TTC28: variants seen among roughly 807,000 people sequenced by gnomAD.
TTC28 encodes tetratricopeptide repeat protein 28.
In TTC28, 61 loss-of-function variants were observed where a neutral mutation model predicts 198.0. The observed-to-expected ratio is 0.31, with a 90% CI of 0.25 to 0.38. The LOEUF (loss-of-function observed/expected upper bound fraction) is 0.38. Ranked by LOEUF, TTC28 falls within the 10% of genes least tolerant of loss-of-function variation. The probability of loss-of-function intolerance (pLI) is 1.00; values close to 1 mark genes in which losing one functional copy is unlikely to be tolerated. For missense variants in TTC28, 2,678 were observed against 3,164.0 expected, an observed-to-expected ratio of 0.85 and a Z score of 3.69; for synonymous variants, 1,171 against 1,297.8, an observed-to-expected ratio of 0.90 and a Z score of 2.10.
chr22:28,222,357 G>A (rs1173862751), intron 5 of TTC28, among the ~76,000 whole-genome samples: 1 of 151,924 alleles, frequency 6.6e-6, no homozygotes, highest in Non-Finnish European at 1.5e-5. Context: ...GCCACTGTGG[G>A]TAACCCAGAA....
intron 3 of TTC28, chr22:28,303,957 G>A (rs554157789): frequency 6.6e-6 from 1 of 152,016 alleles, no homozygotes; most frequent in African/African-American, 2.4e-5. Flanking sequence ...CAAAACTTAG[G>A]AAGCTGCACG....
At chr22:28,629,072 G>A (rs1171872380) in intron 2 of TTC28, among the ~76,000 whole-genome samples, 1 of 152,006 alleles carries the variant, frequency 6.6e-6, no homozygotes, top group Non-Finnish European at 1.5e-5. Context: ...AGTAACTTAA[G>A]GGGACTATTC....
intron 2 of TTC28, among the ~76,000 whole-genome samples, chr22:28,396,396 T>G (rs2046816561): frequency 6.6e-6 from 1 of 152,162 alleles, no homozygotes; most frequent in African/African-American, 2.4e-5. Context: ...GCCACATAGC[T>G]CAACTTGTAA....
chr22:28,107,046 C>T lies in TTC28; in HGVS notation c.2783+16G>A. 2.0e-6 allele frequency: 3 copies of T among 1,536,946 alleles called. No homozygotes were observed. The highest frequency in any genetic ancestry group is 2.6e-6 in the Non-Finnish European group (3 of 1,137,810). On this transcript the variant is annotated intron_variant, in intron 7 of 22. Transcript: ENST00000397906. Reference sequence around the variant, plus strand: ...TTGCAGAACTATAAACCACAATTGTCCTTGGTCATTTTTACCTGTGTCCAT... The same window carrying T: ...TTGCAGAACTATAAACCACAATTGTTCTTGGTCATTTTTACCTGTGTCCAT...
At chr22:28,136,510 T>C (rs562049390) in intron 6 of TTC28, among the ~76,000 whole-genome samples, 38 of 152,308 alleles carry the variant, frequency 2.5e-4, no homozygotes, top group Non-Finnish European at 4.4e-4. Context: ...AGTTCATGAA[T>C]TGGCACTGGC....
At chr22:28,254,983 G>A (rs947772291) in intron 5 of TTC28, among the ~76,000 whole-genome samples, 6 of 152,134 alleles carry the variant, frequency 3.9e-5, no homozygotes, top group Non-Finnish European at 8.8e-5. Context: ...AGACCTATGT[G>A]ATGCATAGAT....
intron 2 of TTC28, among the ~76,000 whole-genome samples, chr22:28,561,598 C>G (rs1261114718): frequency 1.3e-5 from 2 of 152,148 alleles, no homozygotes; most frequent in African/African-American, 4.8e-5. Context: ...GTGAAAAACA[C>G]CTCAACAGTT....
At chr22:28,341,818 T>A (rs543610578) in intron 2 of TTC28, among the ~76,000 whole-genome samples, 121 of 151,240 alleles carry the variant, frequency 8.0e-4, no homozygotes, top group Non-Finnish European at 1.6e-3. Flanking sequence ...AATAAAAAAA[T>A]AAAAATAAAA....
At chr22:28,398,684 T>C (rs1381600929) in intron 2 of TTC28, among the ~76,000 whole-genome samples, 1 of 152,256 alleles carries the variant, frequency 6.6e-6, no homozygotes, top group East Asian at 1.9e-4. Context: ...GTTGAATTTA[T>C]TGATCTCTAA....
intron 5 of TTC28, among the ~76,000 whole-genome samples, chr22:28,189,808 A>G (rs1924558400): frequency 6.6e-6 from 1 of 152,174 alleles, no homozygotes; most frequent in African/African-American, 2.4e-5. Flanking sequence ...ATTTTAATAC[A>G]CTTAAAGTCT....
At chr22:28,480,684 A>G (rs2048234485) in intron 2 of TTC28, among the ~76,000 whole-genome samples, 1 of 152,166 alleles carries the variant, frequency 6.6e-6, no homozygotes. Flanking sequence ...GCATTTCATT[A>G]GCAGGCTAAT....
Position 28,086,618 on chromosome 22 carries a change from G to A in TTC28, c.3932+7462C>T, listed in dbSNP as rs568252368. Among the ~76,000 whole-genome samples, 15 of 152,112 alleles carry A rather than the reference G, an allele frequency of 9.9e-5. No homozygotes were observed. In the East Asian group the frequency reaches 1.9e-3, roughly 20 times the overall value. ...AATTAAAAGAACTAGAAAAGCAAGAGCAAACATATTCAAAAGCTAGCAGAA... is the reference window on the plus strand; with the variant it reads ...AATTAAAAGAACTAGAAAAGCAAGAACAAACATATTCAAAAGCTAGCAGAA... On this transcript the variant is annotated intron_variant, in intron 12 of 22. Transcript: ENST00000397906.
At chr22:28,074,101 A>G (rs545647136) in intron 12 of TTC28, among the ~76,000 whole-genome samples, 19 of 152,316 alleles carry the variant, frequency 1.2e-4, no homozygotes, top group Admixed American at 2.6e-4. Context: ...GCCTATTTCA[A>G]CCAGTTCAAA....
chr22:28,016,401 G>A (rs1280195780), intron 13 of TTC28, among the ~76,000 whole-genome samples: 1 of 152,222 alleles, frequency 6.6e-6, no homozygotes, highest in Non-Finnish European at 1.5e-5. Context: ...CGGCACTGTT[G>A]GTTACCACAC....
At chr22:28,079,919 G>A (rs1319589092) in intron 12 of TTC28, among the ~76,000 whole-genome samples, 1 of 152,068 alleles carries the variant, frequency 6.6e-6, no homozygotes, top group Non-Finnish European at 1.5e-5. Context: ...TGTAGAGACA[G>A]GGTCTCACTG....
chr22:28,616,846 CAA>C (rs111378415), intron 2 of TTC28, among the ~76,000 whole-genome samples: 3 of 132,426 alleles, frequency 2.3e-5, no homozygotes. Context: ...GACCCTGTCT[CAA>C]AAAAAAAAAA....
At chr22:28,229,700 A>G (rs1224599602) in intron 5 of TTC28, among the ~76,000 whole-genome samples, 1 of 152,076 alleles carries the variant, frequency 6.6e-6, no homozygotes, top group Non-Finnish European at 1.5e-5. Flanking sequence ...TTTCAATTCT[A>G]CAAGCATACG....
At chr22:28,298,795 A>AT (rs1240669467) in intron 3 of TTC28, among the ~76,000 whole-genome samples, 2 of 151,900 alleles carry the variant, frequency 1.3e-5, no homozygotes, top group Non-Finnish European at 2.9e-5. Flanking sequence ...CCCTGTCCAT[A>AT]TTTTTTCCTA....
chr22:28,073,896 C>T (rs898306209), intron 12 of TTC28, among the ~76,000 whole-genome samples: 5 of 152,176 alleles, frequency 3.3e-5, no homozygotes, highest in African/African-American at 9.7e-5. Flanking sequence ...AGACCCAGAA[C>T]AAGAAATAAA....
Sources: gnomAD v4.1 joint callset for allele counts (sites outside exome capture counted in the v4.1 genomes callset) on GRCh38, gnomAD v4.1.1 for gene constraint, MANE v1.5 for transcripts, NCBI Gene and HGNC (gene_info 2026-07-23, HGNC 2026-07-21) for gene names.